Variants in AKAP6 observed in about 807,000 individuals in gnomAD.
AKAP6 encodes A-kinase anchor protein 6.
AKAP6 carries 58 observed loss-of-function variants against 188.5 expected under a neutral mutation model. The ratio of observed to expected loss-of-function variants is 0.31; its 90% CI spans 0.25 to 0.38. The LOEUF (loss-of-function observed/expected upper bound fraction) is 0.38. AKAP6 is among the 10% of genes least tolerant of loss of function. The pLI is 1.00. For synonymous variants in AKAP6, 989 were observed against 998.6 expected (o/e 0.99, Z 0.18); for missense variants, 2,710 against 2,740.0 (o/e 0.99, Z 0.24).
chr14:32,448,673 A>T lies in AKAP6; in HGVS notation c.324+14856A>T, dbSNP rs17099150. Reference sequence around the variant, plus strand: ...AAACTATAAACTGTCTTCTCAAGACATTGCACACATGTGCCAGTAATATTT... The same window carrying T: ...AAACTATAAACTGTCTTCTCAAGACTTTGCACACATGTGCCAGTAATATTT... On this transcript the variant is annotated intron_variant, in intron 2 of 13. Coordinates refer to ENST00000280979, the MANE Select transcript of AKAP6 (RefSeq NM_004274.5). Among the ~76,000 whole-genome samples the T allele has an allele frequency of 7.0e-3, 1,072 of 152,328 alleles. 8 individuals carry two copies. Among genetic ancestry groups the T allele is most frequent in the Middle Eastern group, 0.02 (6 of 294 alleles).
intron 8 of AKAP6, among the ~76,000 whole-genome samples, chr14:32,680,035 A>G (rs1297029835): frequency 1.3e-5 from 2 of 152,166 alleles, no homozygotes; most frequent in East Asian, 1.9e-4. Context: ...GAGCAGTACC[A>G]CGTGCTTCTG....
intron 11 of AKAP6, among the ~76,000 whole-genome samples, chr14:32,746,769 A>G (rs1011605456): frequency 6.6e-6 from 1 of 152,190 alleles, no homozygotes; most frequent in African/African-American, 2.4e-5. Context: ...ATCTGCCCCT[A>G]TGTAGACTCA....
intron 2 of AKAP6, among the ~76,000 whole-genome samples, chr14:32,462,198 G>A (rs760205424): frequency 2.6e-5 from 4 of 152,052 alleles, no homozygotes; most frequent in African/African-American, 7.2e-5. Flanking sequence ...TAGCAAGACA[G>A]GCCCACATTC....
chr14:32,665,183 A>G (rs1888873008), intron 7 of AKAP6, among the ~76,000 whole-genome samples: 1 of 152,032 alleles, frequency 6.6e-6, no homozygotes, highest in Non-Finnish European at 1.5e-5. Flanking sequence ...TTCAGTTCCA[A>G]CATTATCTAC....
At chr14:32,795,458 A>G (rs1341442402) in intron 12 of AKAP6, among the ~76,000 whole-genome samples, 2 of 152,224 alleles carry the variant, frequency 1.3e-5, no homozygotes, top group African/African-American at 2.4e-5. Flanking sequence ...AGTCACCTTT[A>G]TCCCCAGGAT....
chr14:32,510,554 CT>C (rs1236682571), intron 2 of AKAP6, among the ~76,000 whole-genome samples: 1 of 148,566 alleles, frequency 6.7e-6, no homozygotes. Context: ...GATACAATTT[CT>C]CTGTATACTT....
At chr14:32,709,599 T>A (rs1302718479) in intron 9 of AKAP6, among the ~76,000 whole-genome samples, 1 of 152,098 alleles carries the variant, frequency 6.6e-6, no homozygotes, top group Non-Finnish European at 1.5e-5. Flanking sequence ...ATTTCATTCC[T>A]TCTCTTTCAA....
rs931613402 is a variant in AKAP6, at chr14:32,487,255, C to T, written c.325-48299C>T. ...TGAAGATTTTCACATCAATGTTCAT[C>T]AAAGATATTGGCCTGAAATTTTCTT... On this transcript the variant is annotated intron_variant, in intron 2 of 13. Coordinates refer to ENST00000280979, the MANE Select transcript of AKAP6 (RefSeq NM_004274.5). 1.3e-5 allele frequency among the ~76,000 whole-genome samples: 2 copies of T among 152,282 alleles called. 1 individual carries two copies. The highest frequency in any genetic ancestry group is 6.8e-3 in the Middle Eastern group (2 of 294).
chr14:32,631,959 G>A (rs1474887278), intron 7 of AKAP6, among the ~76,000 whole-genome samples: 1 of 152,016 alleles, frequency 6.6e-6, no homozygotes, highest in East Asian at 1.9e-4. Context: ...TTAGGAAAAG[G>A]CATTTTAGAA....
chr14:32,462,901 C>CAAAAAAAAAAA (rs71143943), intron 2 of AKAP6, among the ~76,000 whole-genome samples: 5 of 8,822 alleles, frequency 5.7e-4, no homozygotes, highest in Non-Finnish European at 1.1e-3. Context: ...AAATGGAAAG[C>CAAAAAAAAAAA]AAAAAAAAAA....
intron 2 of AKAP6, among the ~76,000 whole-genome samples, chr14:32,459,723 A>G (rs1043939013): frequency 6.8e-6 from 1 of 147,924 alleles, no homozygotes; most frequent in African/African-American, 2.4e-5. Flanking sequence ...TCAAATTGTC[A>G]CCGAAATTTG....
intron 11 of AKAP6, 40 bp from the exon 12 acceptor site, chr14:32,773,638 C>T: frequency 6.4e-7 from 1 of 1,571,710 alleles, no homozygotes; most frequent in Non-Finnish European, 8.7e-7. Context: ...GGAACTCTGC[C>T]CTATAAACAC....
chr14:32,803,499 C>A (rs191833154), intron 12 of AKAP6, among the ~76,000 whole-genome samples: 1 of 152,250 alleles, frequency 6.6e-6, no homozygotes, highest in African/African-American at 2.4e-5. Flanking sequence ...AAGAAAAGTT[C>A]TTCTAAAAAT....
At chr14:32,548,582 A>G (rs905648155) in intron 4 of AKAP6, among the ~76,000 whole-genome samples, 4 of 151,764 alleles carry the variant, frequency 2.6e-5, no homozygotes, top group Non-Finnish European at 4.4e-5. Flanking sequence ...AGATAGATAG[A>G]TAGATATAAA....
At chr14:32,442,890 C>T (rs907093321) in intron 2 of AKAP6, among the ~76,000 whole-genome samples, 1 of 152,058 alleles carries the variant, frequency 6.6e-6, no homozygotes, top group Non-Finnish European at 1.5e-5. Context: ...CAAAATTTTA[C>T]ATCTCAAAAG....
At chr14:32,652,992 G>T (rs190212569) in intron 7 of AKAP6, among the ~76,000 whole-genome samples, 1 of 152,138 alleles carries the variant, frequency 6.6e-6, no homozygotes, top group African/African-American at 2.4e-5. Context: ...GGTCAAGGCT[G>T]CAGTGAACTG....
rs377693074 is a variant in AKAP6, at chr14:32,800,061, C to CTCTCTCTATATA, written c.3589-21340_3589-21339insCTCTCTATATAT. On this transcript the variant is annotated intron_variant, in intron 12 of 13. Transcript: ENST00000280979. ...CCTGTCTCTCTCTCTCTCTCTCTCTCTATATATATAGAAATATATATATAT... is the reference window on the plus strand; with the variant it reads ...CCTGTCTCTCTCTCTCTCTCTCTCTCTCTCTCTATATATATATATATAGAAATATATATATAT... 1.7e-3 allele frequency among the ~76,000 whole-genome samples: 234 copies of CTCTCTCTATATA among 136,938 alleles called. 4 individuals are homozygous for CTCTCTCTATATA. The South Asian group carries it at 0.027, about 16-fold the overall frequency. The allele number at this position is 136,938 out of a possible 152,430, so 89.8% of individuals were successfully genotyped here. A position where few individuals can be genotyped will look rare whatever the true frequency, so the allele number is the denominator to read the frequency against.
At position 32,512,727 on chromosome 14, in the gene AKAP6, T is replaced by C. The variant is rs1019508983; in HGVS notation, c.325-22827T>C. ...ATGTCTAGGGCTTGCTGAAGAGTAGTTATAATACGGACAGTCAGTCAAGCA... is the reference window on the plus strand; with the variant it reads ...ATGTCTAGGGCTTGCTGAAGAGTAGCTATAATACGGACAGTCAGTCAAGCA... On this transcript the variant is annotated intron_variant, in intron 2 of 13. Transcript: ENST00000280979. Among the ~76,000 whole-genome samples the C allele has an allele frequency of 6.6e-4, 100 of 152,288 alleles. 1 individual carries two copies. The highest frequency in any genetic ancestry group is 1.6e-3 in the African/African-American group (66 of 41,560).
intron 9 of AKAP6, among the ~76,000 whole-genome samples, chr14:32,704,332 A>T (rs1353331452): frequency 6.6e-6 from 1 of 152,202 alleles, no homozygotes; most frequent in East Asian, 1.9e-4. Flanking sequence ...AATGCGTAGT[A>T]TTCCCTCTTT....
Sources: gnomAD v4.1 joint callset for allele counts (sites outside exome capture counted in the v4.1 genomes callset) on GRCh38, gnomAD v4.1.1 for gene constraint, MANE v1.5 for transcripts, NCBI Gene and HGNC (gene_info 2026-07-23, HGNC 2026-07-21) for gene names.